Variants in PCLO observed in about 807,000 individuals in gnomAD.
The protein encoded by PCLO is piccolo presynaptic cytomatrix protein.
PCLO carries 82 observed loss-of-function variants against 427.5 expected under a neutral mutation model. That is an observed-to-expected ratio of 0.19 (90% CI 0.16 to 0.23). PCLO has a LOEUF of 0.23. PCLO is among the 10% of genes least tolerant of loss of function. The pLI is 1.00. For missense variants in PCLO, 6,239 were observed against 6,115.9 expected, an observed-to-expected ratio of 1.02 and a Z score of -0.67; for synonymous variants, 2,357 against 2,155.4, an observed-to-expected ratio of 1.09 and a Z score of -2.59.
chr7:82,940,982 T>G (rs975481318), intron 6 of PCLO, among the ~76,000 whole-genome samples: 1 of 151,928 alleles, frequency 6.6e-6, no homozygotes. Context: ...CAGGATGATC[T>G]TGATCTCCTG....
intron 22 of PCLO, among the ~76,000 whole-genome samples, chr7:82,775,327 G>A (rs1019412032): frequency 5.4e-4 from 82 of 152,136 alleles, no homozygotes; most frequent in African/African-American, 1.9e-3. Context: ...GTTTTCCAAA[G>A]TGGCTGTACC....
At chr7:82,819,019 A>G (rs1791735134) in intron 20 of PCLO, among the ~76,000 whole-genome samples, 1 of 152,172 alleles carries the variant, frequency 6.6e-6, no homozygotes, top group East Asian at 1.9e-4. Flanking sequence ...ATCTCTGCCT[A>G]GTTTTTCTCT....
In PCLO at chr7:82,949,522, G is replaced by T. The variant is rs1360796547; in HGVS notation, c.11066C>A (p.Ala3689Glu). Residue 3689 changes from alanine (A) to glutamate (E), a missense_variant, in exon 6 of 25, where the codon GCA (alanine) becomes GAA (glutamate). Coordinates refer to ENST00000333891, the MANE Select transcript of PCLO (RefSeq NM_033026.6). ...MSDPKPLSPT[A>E]DESSRAPFQY... ...AAAAGGAGCCCTGGAACTTTCGTCTGCTGTTGGACTCAGAGGCTTGGGGTC... is the reference window on the plus strand; with the variant it reads ...AAAAGGAGCCCTGGAACTTTCGTCTTCTGTTGGACTCAGAGGCTTGGGGTC... 1 of 1,612,740 alleles carries T rather than the reference G, an allele frequency of 6.2e-7. No individual in the cohort carries two copies. Among genetic ancestry groups the T allele is most frequent in the Non-Finnish European group, 8.5e-7 (1 of 1,179,362 alleles).
intron 6 of PCLO, 129 bp downstream of exon 6, chr7:82,949,347 G>A: frequency 1.4e-6 from 1 of 702,050 alleles, no homozygotes; most frequent in Non-Finnish European, 2.4e-6. Context: ...AATTTCTAAG[G>A]CAATAATCTT....
At chr7:82,928,005 A>C (rs1024036807) in intron 6 of PCLO, among the ~76,000 whole-genome samples, 7 of 152,202 alleles carry the variant, frequency 4.6e-5, no homozygotes, top group African/African-American at 7.2e-5. Flanking sequence ...TTATTCATTT[A>C]TCTATGTGTG....
chr7:82,766,867 A>AT (rs950821657), intron 22 of PCLO, among the ~76,000 whole-genome samples: 2 of 150,874 alleles, frequency 1.3e-5, no homozygotes, highest in Non-Finnish European at 2.9e-5. Context: ...TACTTGTGAA[A>AT]TTTTTTTTAT....
At chr7:82,842,651 C>T (rs917218824) in intron 13 of PCLO, among the ~76,000 whole-genome samples, 1 of 151,890 alleles carries the variant, frequency 6.6e-6, no homozygotes, top group African/African-American at 2.4e-5. Context: ...ATTTGCAAAC[C>T]GTACATCTGA....
intron 19 of PCLO, among the ~76,000 whole-genome samples, 199 bp downstream of exon 19, chr7:82,824,037 A>G (rs369839196): frequency 1.8e-4 from 27 of 152,184 alleles, no homozygotes; most frequent in African/African-American, 6.5e-4. Context: ...ATTACAAAGT[A>G]CTACACCTAA....
intron 3 of PCLO, among the ~76,000 whole-genome samples, chr7:83,110,296 C>T (rs2116520393): frequency 6.6e-6 from 1 of 151,956 alleles, no homozygotes; most frequent in South Asian, 2.1e-4. Flanking sequence ...CACAGATGCT[C>T]TTTACATGCC....
At chr7:83,082,627 A>C (rs1790129962) in intron 3 of PCLO, among the ~76,000 whole-genome samples, 1 of 151,782 alleles carries the variant, frequency 6.6e-6, no homozygotes, top group African/African-American at 2.4e-5. Flanking sequence ...ATTTCAAAAT[A>C]GCTAAAAGAG....
chr7:82,905,468 T>C (rs1000482945), intron 8 of PCLO, among the ~76,000 whole-genome samples: 9 of 151,910 alleles, frequency 5.9e-5, no homozygotes, highest in Admixed American at 2.0e-4. Context: ...CCTAGCACCG[T>C]ATGCATATAT....
intron 3 of PCLO, among the ~76,000 whole-genome samples, chr7:83,004,569 C>T (rs1787902009): frequency 6.6e-6 from 1 of 151,446 alleles, no homozygotes; most frequent in Non-Finnish European, 1.5e-5. Context: ...CCATAAAAAT[C>T]CTGCAAGAAA....
chr7:82,808,227 C>A (rs1265883295), intron 20 of PCLO, among the ~76,000 whole-genome samples: 1 of 151,550 alleles, frequency 6.6e-6, no homozygotes, highest in Non-Finnish European at 1.5e-5. Flanking sequence ...AAAGATAAAC[C>A]TTAATTATTA....
At chr7:82,800,239 AC>A (rs1791317417) in intron 22 of PCLO, among the ~76,000 whole-genome samples, 1 of 152,194 alleles carries the variant, frequency 6.6e-6, no homozygotes, top group African/African-American at 2.4e-5. Context: ...TATCACTTAG[AC>A]CCAGCATTTG....
intron 17 of PCLO, among the ~76,000 whole-genome samples, 169 bp downstream of exon 17, chr7:82,827,704 G>T (rs1791979107): frequency 6.6e-6 from 1 of 151,896 alleles, no homozygotes; most frequent in Non-Finnish European, 1.5e-5. Context: ...TTCACCCTGT[G>T]CTTAAATGTC....
intron 2 of PCLO, among the ~76,000 whole-genome samples, chr7:83,136,088 ACT>A (rs1336464086): frequency 6.6e-6 from 1 of 151,540 alleles, no homozygotes; most frequent in Non-Finnish European, 1.5e-5. Flanking sequence ...ACAGAGTGAG[ACT>A]CTGTCTCAAA....
rs1391156279 is a variant in PCLO, at chr7:82,999,687, A to AAT, written c.3301-33202_3301-33201dup. 7.5e-4 allele frequency among the ~76,000 whole-genome samples: 14 copies of AAT among 18,602 alleles called. 2 individuals are homozygous for AAT. Among genetic ancestry groups the AAT allele is most frequent in the Middle Eastern group, 0.024 (1 of 42 alleles). The allele number at this position is 18,602 out of a possible 152,430, so 12.2% of individuals were successfully genotyped here. ...AAAATATAAAATATATTATATATAA[A>AAT]ATAATATATAATATTAAATATAAAA... On this transcript the variant is annotated intron_variant, in intron 3 of 24. Coordinates refer to ENST00000333891, the MANE Select transcript of PCLO (RefSeq NM_033026.6).
intron 22 of PCLO, among the ~76,000 whole-genome samples, chr7:82,770,827 T>A (rs574974362): frequency 1.4e-4 from 22 of 151,994 alleles, no homozygotes; most frequent in African/African-American, 2.6e-4. Context: ...TCGATTTTTT[T>A]AAAAAACAAT....
At chr7:82,959,208 A>G (rs929840357) in intron 4 of PCLO, among the ~76,000 whole-genome samples, 35 of 152,058 alleles carry the variant, frequency 2.3e-4, no homozygotes, top group Non-Finnish European at 3.4e-4. Flanking sequence ...CTGGGATTAC[A>G]GGCATGTGCC....
Sources: allele counts gnomAD v4.1 joint callset (sites outside exome capture counted in the v4.1 genomes callset), GRCh38; gene constraint gnomAD v4.1.1; transcripts MANE v1.5; gene names NCBI Gene and HGNC (gene_info 2026-07-23, HGNC 2026-07-21).